HDAC9: variants seen among roughly 807,000 people sequenced by gnomAD.
HDAC9 encodes the protein histone deacetylase 9.
HDAC9 carries 41 observed loss-of-function variants against 139.4 expected under a neutral mutation model. The ratio of observed to expected loss-of-function variants is 0.29; its 90% CI spans 0.23 to 0.38. HDAC9 has a LOEUF of 0.38. Ranked by LOEUF, HDAC9 falls within the 10% of genes least tolerant of loss-of-function variation. The pLI is 1.00. For missense variants in HDAC9, 1,147 were observed against 1,297.0 expected (o/e 0.88, Z 1.78); for synonymous variants, 517 against 476.2 (o/e 1.09, Z -1.12).
chr7:18,099,395 G>A (rs1408719137), intron 1 of HDAC9, among the ~76,000 whole-genome samples: 1 of 152,066 alleles, frequency 6.6e-6, no homozygotes, highest in Non-Finnish European at 1.5e-5. Context: ...TTGGACCCTG[G>A]AGGTGGAGGT....
At chr7:18,415,081 G>A (rs1429294644) in intron 1 of HDAC9, among the ~76,000 whole-genome samples, 1 of 152,176 alleles carries the variant, frequency 6.6e-6, no homozygotes, top group Non-Finnish European at 1.5e-5. Flanking sequence ...ATACTCAGCG[G>A]CATTAAGTAG....
At chr7:18,553,383 G>T (rs1261977423) in intron 2 of HDAC9, among the ~76,000 whole-genome samples, 2 of 152,078 alleles carry the variant, frequency 1.3e-5, no homozygotes, top group Non-Finnish European at 2.9e-5. Context: ...AAGCCTAAAT[G>T]ACTGTGTTTT....
At chr7:18,778,349 A>C (rs1790958093) in intron 16 of HDAC9, among the ~76,000 whole-genome samples, 1 of 152,032 alleles carries the variant, frequency 6.6e-6, no homozygotes, top group African/African-American at 2.4e-5. Context: ...AGAACACTGA[A>C]AAGTCTCTGT....
At chr7:18,926,743 A>T (rs533747897) in intron 22 of HDAC9, among the ~76,000 whole-genome samples, 1 of 152,308 alleles carries the variant, frequency 6.6e-6, no homozygotes, top group South Asian at 2.1e-4. Flanking sequence ...TCTTACAAAA[A>T]ATAATGGCAT....
intron 22 of HDAC9, among the ~76,000 whole-genome samples, chr7:18,921,326 C>A (rs1803699968): frequency 6.6e-6 from 1 of 152,076 alleles, no homozygotes; most frequent in South Asian, 2.1e-4. Flanking sequence ...TTTTTGCAAC[C>A]TGCTTATCTG....
chr7:18,626,028 G>C (rs191969587), intron 6 of HDAC9, among the ~76,000 whole-genome samples: 1 of 151,344 alleles, frequency 6.6e-6, no homozygotes, highest in Non-Finnish European at 1.5e-5. Context: ...TCTTTGCAGC[G>C]TGGGTCATAG....
chr7:18,457,809 T>TA (rs762148186), intron 1 of HDAC9, among the ~76,000 whole-genome samples: 2 of 152,212 alleles, frequency 1.3e-5, no homozygotes, highest in Non-Finnish European at 2.9e-5. Context: ...TTTCAGGTGA[T>TA]AAGACTTTCT....
chr7:18,882,339 A>G (rs1321261444), intron 22 of HDAC9, among the ~76,000 whole-genome samples: 1 of 152,062 alleles, frequency 6.6e-6, no homozygotes, highest in Admixed American at 6.6e-5. Context: ...CTTGTTTAAT[A>G]TTTCCCTTTA....
chr7:18,784,799 A>C (rs574390256), intron 16 of HDAC9, among the ~76,000 whole-genome samples: 1 of 152,228 alleles, frequency 6.6e-6, no homozygotes, highest in South Asian at 2.1e-4. Context: ...GCCCACATAT[A>C]TTTCACTTAA....
intron 1 of HDAC9, among the ~76,000 whole-genome samples, chr7:18,429,647 C>T (rs546159324): frequency 5.9e-5 from 9 of 151,968 alleles, no homozygotes; most frequent in South Asian, 2.1e-4. Context: ...TTATAGATTA[C>T]GTGTTTTTGG....
At chr7:18,122,948 T>C (rs1391903749) in intron 1 of HDAC9, among the ~76,000 whole-genome samples, 4 of 152,090 alleles carry the variant, frequency 2.6e-5, no homozygotes, top group African/African-American at 9.7e-5. Context: ...TCTGCTAGGG[T>C]TTTTTTCTTT....
chr7:18,698,296 A>C (rs1239742870), intron 12 of HDAC9, among the ~76,000 whole-genome samples: 1 of 152,198 alleles, frequency 6.6e-6, no homozygotes, highest in Non-Finnish European at 1.5e-5. Flanking sequence ...TCAGAAAATT[A>C]AATTACGCCA....
At chr7:18,176,101 T>G (rs1788879945) in intron 2 of HDAC9, among the ~76,000 whole-genome samples, 1 of 152,174 alleles carries the variant, frequency 6.6e-6, no homozygotes, top group Admixed American at 6.5e-5. Context: ...AGAAATTGTT[T>G]TTCAGAAAGA....
intron 1 of HDAC9, among the ~76,000 whole-genome samples, chr7:18,407,172 G>A (rs896013192): frequency 4.6e-5 from 7 of 151,948 alleles, no homozygotes; most frequent in African/African-American, 1.5e-4. Flanking sequence ...TTATCTCTCA[G>A]TCTGTTGGAG....
intron 2 of HDAC9, among the ~76,000 whole-genome samples, chr7:18,171,674 T>C (rs760597813): frequency 2.6e-5 from 4 of 152,180 alleles, no homozygotes; most frequent in Non-Finnish European, 5.9e-5. Flanking sequence ...GAATTTTGTC[T>C]AAGGCCTTTT....
chr7:18,626,619 C>T (rs188026271), intron 6 of HDAC9, among the ~76,000 whole-genome samples: 114 of 152,314 alleles, frequency 7.5e-4, no homozygotes, highest in African/African-American at 2.7e-3. Flanking sequence ...TTCAAGGTTA[C>T]TGATTTTAGT....
chr7:18,124,130 T>A (rs1784516344), intron 1 of HDAC9, among the ~76,000 whole-genome samples: 1 of 152,042 alleles, frequency 6.6e-6, no homozygotes, highest in African/African-American at 2.4e-5. Context: ...AGAGTCTAAG[T>A]TCTAGTTGAA....
intron 12 of HDAC9, among the ~76,000 whole-genome samples, chr7:18,701,435 T>C (rs1267053620): frequency 6.7e-6 from 1 of 149,848 alleles, no homozygotes; most frequent in Non-Finnish European, 1.5e-5. Context: ...AAAACACAAC[T>C]GTACTATAGT....
At chr7:18,483,088 T>C (rs1366124074) in intron 1 of HDAC9, among the ~76,000 whole-genome samples, 2 of 152,180 alleles carry the variant, frequency 1.3e-5, no homozygotes, top group Non-Finnish European at 2.9e-5. Flanking sequence ...TACAGTAAAT[T>C]ACGCTTTATA....
Sources: gnomAD v4.1 joint callset for allele counts (sites outside exome capture counted in the v4.1 genomes callset) on GRCh38, gnomAD v4.1.1 for gene constraint, MANE v1.5 for transcripts, NCBI Gene and HGNC (gene_info 2026-07-23, HGNC 2026-07-21) for gene names.